The following AGAP1 variants were observed in gnomAD, a reference collection of about 807,000 sequenced individuals.
AGAP1 encodes the protein arf-GAP with GTPase, ANK repeat and PH domain-containing protein 1.
AGAP1 carries 29 observed loss-of-function variants against 105.3 expected under a neutral mutation model. That is an observed-to-expected ratio of 0.28 (90% CI 0.21 to 0.38). The LOEUF (loss-of-function observed/expected upper bound fraction) is 0.38. Ranked by LOEUF, AGAP1 falls within the 10% of genes least tolerant of loss-of-function variation. The probability of loss-of-function intolerance (pLI) is 1.00; values close to 1 mark genes in which losing one functional copy is unlikely to be tolerated. For missense variants in AGAP1, 998 were observed against 1,165.1 expected (o/e 0.86, Z 2.09); for synonymous variants, 509 against 485.9 (o/e 1.05, Z -0.63).
rs768818136 is a variant in AGAP1, at chr2:235,968,635, G to A, written c.1645+12G>A. 8.1e-6 allele frequency: 13 copies of A among 1,595,684 alleles called. No individual in the cohort carries two copies. Among genetic ancestry groups the A allele is most frequent in the Middle Eastern group, 1.7e-4 (1 of 6,028 alleles). ...CGGCACTGCTGAAGGTAAGGGTTCC[G>A]CGGTGCCCCGGGAGAGAGTCTCCAC... On this transcript the variant is annotated intron_variant, in intron 13 of 17. Transcript: ENST00000304032.
At chr2:235,840,905 G>C (rs1033960941) in intron 9 of AGAP1, among the ~76,000 whole-genome samples, 2 of 152,074 alleles carry the variant, frequency 1.3e-5, no homozygotes, top group Non-Finnish European at 2.9e-5. Flanking sequence ...ACCACTGGTG[G>C]TCTTAGGAGG....
intron 16 of AGAP1, among the ~76,000 whole-genome samples, chr2:236,112,513 G>A (rs898037356): frequency 1.3e-5 from 2 of 152,034 alleles, no homozygotes; most frequent in Non-Finnish European, 2.9e-5. Context: ...TCCATCCCCC[G>A]TTCCCTCCCT....
chr2:235,914,759 G>A (rs1164630332), intron 11 of AGAP1, among the ~76,000 whole-genome samples: 1 of 152,186 alleles, frequency 6.6e-6, no homozygotes, highest in Non-Finnish European at 1.5e-5. Context: ...GGTGGCTCTG[G>A]GTTCCTTGTG....
At chr2:235,538,427 A>ATGTGTGTGTG (rs57515821) in intron 1 of AGAP1, among the ~76,000 whole-genome samples, 7,897 of 135,320 alleles carry the variant, frequency 0.058, 314 homozygotes, top group African/African-American at 0.085. Context: ...CTCAGCCACT[A>ATGTGTGTGTG]TGTGTGTGTG....
Position 235,900,154 on chromosome 2 carries a change from G to C in AGAP1, c.1156-8584G>C, listed in dbSNP as rs576661325. Among the ~76,000 whole-genome samples the C allele has an allele frequency of 6.6e-6, 1 of 152,104 alleles. No homozygotes were observed. The highest frequency in any genetic ancestry group is 6.5e-5 in the Admixed American group (1 of 15,272). ...CCAACAAGGCCTCACCAGCCTTCTC[G>C]TTTACCACGTGTAGCATAATGACCC... On this transcript the variant is annotated intron_variant, in intron 10 of 17. Coordinates refer to ENST00000304032, the MANE Select transcript of AGAP1 (RefSeq NM_001037131.3). This position sits in a 1 kb window ranked among gnomAD's most constrained non-coding sequence, Gnocchi z 5.5.
Position 235,747,028 on chromosome 2 carries a change from C to T in AGAP1, c.538+2189C>T, listed in dbSNP as rs903052325. 6.6e-6 allele frequency among the ~76,000 whole-genome samples: 1 copy of T among 152,058 alleles called. No individual in the cohort carries two copies. Among genetic ancestry groups the T allele is most frequent in the Non-Finnish European group, 1.5e-5 (1 of 68,020 alleles). ...TGACACCTGGGACTTTGGTGGGGTT[C>T]AACAGGAATTCCCAGAAGACACTCA... On this transcript the variant is annotated intron_variant, in intron 5 of 17. Transcript: ENST00000304032. The surrounding 1 kb of genome is among the most constrained non-coding windows in gnomAD (Gnocchi z 5.0).
chr2:235,637,964 T>A (rs1947061513), intron 1 of AGAP1, among the ~76,000 whole-genome samples: 1 of 152,114 alleles, frequency 6.6e-6, no homozygotes, highest in Non-Finnish European at 1.5e-5. Context: ...GTGGATTGGG[T>A]GATGCCCTCT....
At chr2:236,093,409 C>T (rs1389561737) in intron 16 of AGAP1, among the ~76,000 whole-genome samples, 2 of 152,228 alleles carry the variant, frequency 1.3e-5, no homozygotes, top group Admixed American at 6.5e-5. Context: ...GAACAACTCA[C>T]AGTCTGTGCC....
In AGAP1 at chr2:236,027,863, T is replaced by G. The variant is rs1481448556; in HGVS notation, c.1646-8698T>G. Among the ~76,000 whole-genome samples, 2 of 152,146 alleles carry G rather than the reference T, an allele frequency of 1.3e-5. No individual in the cohort carries two copies. Among genetic ancestry groups the G allele is most frequent in the African/African-American group, 2.4e-5 (1 of 41,416 alleles). On this transcript the variant is annotated intron_variant, in intron 13 of 17. Transcript: ENST00000304032. This position sits in a 1 kb window ranked among gnomAD's most constrained non-coding sequence, Gnocchi z 4.4. Reference sequence around the variant, plus strand: ...TCACAGGGCCTTTGTGCATGCTACATACACGTCAGAGACAGACCATACCCA... The same window carrying G: ...TCACAGGGCCTTTGTGCATGCTACAGACACGTCAGAGACAGACCATACCCA...
chr2:236,098,475 C>A (rs1377448642), intron 16 of AGAP1, among the ~76,000 whole-genome samples: 2 of 151,848 alleles, frequency 1.3e-5, no homozygotes, highest in Non-Finnish European at 2.9e-5. Context: ...GAGGCAGAGA[C>A]ACGAGAATCA....
chr2:235,740,822 T>G lies in AGAP1; in HGVS notation c.311-141T>G. On this transcript the variant is annotated intron_variant, in intron 3 of 17. Coordinates refer to ENST00000304032, the MANE Select transcript of AGAP1 (RefSeq NM_001037131.3). This position sits in a 1 kb window ranked among gnomAD's most constrained non-coding sequence, Gnocchi z 5.7. ...AGTTCGGCTCTGTTAAAATTCAGCA[T>G]TTGCTGGCAACATCCTAAATACTCA... 1.1e-6 allele frequency: 1 copy of G among 889,576 alleles called. No individual in the cohort carries two copies. 55.1% of individuals were successfully genotyped at this position (889,576 alleles called of 1,614,324 possible). A position where few individuals can be genotyped will look rare whatever the true frequency, so the allele number is the denominator to read the frequency against.
At chr2:235,828,876 C>T (rs534930474) in intron 9 of AGAP1, among the ~76,000 whole-genome samples, 97 of 152,262 alleles carry the variant, frequency 6.4e-4, no homozygotes, top group South Asian at 1.2e-3. Flanking sequence ...ATGGATGCTC[C>T]GAGAAAGAAC....
At chr2:236,118,365 G>A (rs1052981573) in intron 16 of AGAP1, among the ~76,000 whole-genome samples, 2 of 151,490 alleles carry the variant, frequency 1.3e-5, no homozygotes, top group African/African-American at 4.9e-5. Context: ...TTACATGTAG[G>A]GCTTTTCTTT....
At chr2:235,884,019 C>G (rs926848435) in intron 10 of AGAP1, among the ~76,000 whole-genome samples, 11 of 152,106 alleles carry the variant, frequency 7.2e-5, no homozygotes, top group Non-Finnish European at 1.3e-4. Context: ...TAACTTTATT[C>G]TTGGGGAAGA....
Position 235,723,339 on chromosome 2 carries a change from T to C in AGAP1, c.310+5695T>C, listed in dbSNP as rs1951480620. 6.6e-6 allele frequency among the ~76,000 whole-genome samples: 1 copy of C among 152,176 alleles called. No individual in the cohort carries two copies. Among genetic ancestry groups the C allele is most frequent in the Non-Finnish European group, 1.5e-5 (1 of 68,036 alleles). On this transcript the variant is annotated intron_variant, in intron 3 of 17. Coordinates refer to ENST00000304032, the MANE Select transcript of AGAP1 (RefSeq NM_001037131.3). This position sits in a 1 kb window ranked among gnomAD's most constrained non-coding sequence, Gnocchi z 6.2. ...GTCCCCCAACACAGACCCCACATGA[T>C]GCCACTCAGCTTTTAACTCTCCTTT...
Position 235,968,480 on chromosome 2 carries a change from C to G in AGAP1, c.1502C>G (p.Ser501Cys). The change falls in exon 13 of 18, where the codon TCC (serine) becomes TGC (cysteine). Residue 501 changes from serine (S) to cysteine (C), a missense_variant. By Grantham distance (112) the Ser-to-Cys change is moderately radical (BLOSUM62 -1). Transcript: ENST00000304032. ...AISSDTGLGD[S>C]VCSSPSISST... ...ATGGCAGACACAGGGCTGGGTGACT[C>G]CGTATGCTCCAGCCCCAGTATCTCC... The G allele has an allele frequency of 6.2e-7, 1 of 1,605,356 alleles. No homozygotes were observed. The highest frequency in any genetic ancestry group is 8.5e-7 in the Non-Finnish European group (1 of 1,176,998).
rs1449063519 is a variant in AGAP1 at position 236,000,012 on chromosome 2, AGAAT to A, written c.1645+31390_1645+31393del. On this transcript the variant is annotated intron_variant, in intron 13 of 17. Coordinates refer to ENST00000304032, the MANE Select transcript of AGAP1 (RefSeq NM_001037131.3). This position sits in a 1 kb window ranked among gnomAD's most constrained non-coding sequence, Gnocchi z 4.3. ...ATCCTGCTTCTAATGACTGTCAGAA[AGAAT>A]ACGTGAAGGCCAGCTTCTAGACCAG... Among the ~76,000 whole-genome samples, 1 of 152,144 alleles carries A rather than the reference AGAAT, an allele frequency of 6.6e-6. No homozygotes were observed.
At chr2:235,530,471 C>T (rs1943003885) in intron 1 of AGAP1, among the ~76,000 whole-genome samples, 1 of 152,138 alleles carries the variant, frequency 6.6e-6, no homozygotes, top group Admixed American at 6.5e-5. Flanking sequence ...GAGGTCAGAT[C>T]CTAATATCAA....
chr2:235,915,066 C>A (rs919278355), intron 11 of AGAP1, among the ~76,000 whole-genome samples: 3 of 152,146 alleles, frequency 2.0e-5, no homozygotes, highest in African/African-American at 7.2e-5. Flanking sequence ...TCACAGCCCC[C>A]CACACGGTAG....
Sources: gnomAD v4.1 joint callset for allele counts (sites outside exome capture counted in the v4.1 genomes callset) on GRCh38, gnomAD v4.1.1 for gene constraint, Gnocchi (gnomAD v3.1) non-coding constraint, MANE v1.5 for transcripts, NCBI Gene and HGNC (gene_info 2026-07-23, HGNC 2026-07-21) for gene names.